Variants in CSMD1 observed in about 807,000 individuals in gnomAD.
CSMD1 encodes the protein CUB and sushi domain-containing protein 1.
CSMD1 carries 213 observed loss-of-function variants against 417.5 expected under a neutral mutation model. The ratio of observed to expected loss-of-function variants is 0.51; its 90% confidence interval spans 0.46 to 0.57. The LOEUF (loss-of-function observed/expected upper bound fraction) is 0.57. CSMD1 is among the 20% of genes least tolerant of loss of function. CSMD1 has a pLI of 0.00. For missense variants in CSMD1, 6,923 were observed against 4,529.7 expected, an observed-to-expected ratio of 1.53 and a Z score of -15.17; for synonymous variants, 2,862 against 1,736.8, an observed-to-expected ratio of 1.65 and a Z score of -16.11.
At chr8:3,811,489 G>A (rs1563104060) in intron 5 of CSMD1, among the ~76,000 whole-genome samples, 1 of 152,104 alleles carries the variant, frequency 6.6e-6, no homozygotes, top group Non-Finnish European at 1.5e-5. Flanking sequence ...CCAACCGAGT[G>A]CCTGTTGAGA....
chr8:4,036,776 G>C (rs1797639812), intron 3 of CSMD1, among the ~76,000 whole-genome samples: 2 of 152,226 alleles, frequency 1.3e-5, no homozygotes, highest in African/African-American at 2.4e-5. Context: ...ACTGTTGGCA[G>C]CACCACTATT....
intron 3 of CSMD1, among the ~76,000 whole-genome samples, chr8:4,406,552 T>G (rs1246574615): frequency 6.6e-6 from 1 of 152,086 alleles, no homozygotes; most frequent in Admixed American, 6.6e-5. Context: ...GAGCACAGAG[T>G]CCTGCCTTCT....
At chr8:4,082,926 C>T (rs1800218375) in intron 3 of CSMD1, among the ~76,000 whole-genome samples, 1 of 151,844 alleles carries the variant, frequency 6.6e-6, no homozygotes, top group South Asian at 2.1e-4. Context: ...CATCCATGTC[C>T]TTACAAAGGA....
At chr8:4,866,173 G>A (rs973937054) in intron 1 of CSMD1, among the ~76,000 whole-genome samples, 3 of 151,804 alleles carry the variant, frequency 2.0e-5, no homozygotes, top group African/African-American at 7.3e-5. Flanking sequence ...CTGTTTAAGA[G>A]GTGGATGACC....
chr8:3,771,076 G>A (rs1450241429), intron 5 of CSMD1, among the ~76,000 whole-genome samples: 1 of 151,818 alleles, frequency 6.6e-6, no homozygotes, highest in South Asian at 2.1e-4. Context: ...GTGGACAATA[G>A]TCTTGGGGGT....
intron 5 of CSMD1, among the ~76,000 whole-genome samples, chr8:3,919,678 T>C (rs1423938103): frequency 6.6e-6 from 1 of 152,158 alleles, no homozygotes; most frequent in Non-Finnish European, 1.5e-5. Context: ...AAAATGCCAT[T>C]GGAATTTTGA....
intron 2 of CSMD1, among the ~76,000 whole-genome samples, chr8:4,450,184 T>C (rs776455350): frequency 6.6e-6 from 1 of 152,176 alleles, no homozygotes; most frequent in East Asian, 1.9e-4. Context: ...AAAACCGAAC[T>C]GGGCAACAAT....
At chr8:4,006,371 C>G (rs760963254) in intron 4 of CSMD1, among the ~76,000 whole-genome samples, 12 of 152,176 alleles carry the variant, frequency 7.9e-5, no homozygotes, top group Non-Finnish European at 1.6e-4. Flanking sequence ...TGGTGAAACC[C>G]TGTCTCTACT....
intron 11 of CSMD1, among the ~76,000 whole-genome samples, chr8:3,475,499 G>T (rs7004179): frequency 1.3e-5 from 2 of 151,962 alleles, no homozygotes; most frequent in Non-Finnish European, 2.9e-5. Context: ...AACATTTGGA[G>T]TTCTGTGATG....
At chr8:4,975,150 C>T (rs1378168125) in intron 1 of CSMD1, among the ~76,000 whole-genome samples, 1 of 152,078 alleles carries the variant, frequency 6.6e-6, no homozygotes, top group Non-Finnish European at 1.5e-5. Flanking sequence ...GTGGTTCCAG[C>T]AAATTAAGAG....
intron 5 of CSMD1, among the ~76,000 whole-genome samples, chr8:3,981,123 G>A (rs974059607): frequency 2.6e-5 from 4 of 152,198 alleles, no homozygotes; most frequent in Non-Finnish European, 4.4e-5. Context: ...AATGTCAGGA[G>A]TCCTCCAGAT....
At chr8:4,768,011 T>C (rs1385643826) in intron 1 of CSMD1, among the ~76,000 whole-genome samples, 1 of 151,446 alleles carries the variant, frequency 6.6e-6, no homozygotes, top group Non-Finnish European at 1.5e-5. Context: ...CAATTCACAT[T>C]TACGTTCAAC....
At chr8:4,793,250 C>G (rs533161474) in intron 1 of CSMD1, among the ~76,000 whole-genome samples, 120 of 152,220 alleles carry the variant, frequency 7.9e-4, no homozygotes, top group African/African-American at 2.8e-3. Context: ...TTCATATTTA[C>G]AAGACCTAAT....
chr8:3,506,351 T>A (rs908953968), intron 10 of CSMD1, among the ~76,000 whole-genome samples: 1 of 152,068 alleles, frequency 6.6e-6, no homozygotes, highest in Non-Finnish European at 1.5e-5. Flanking sequence ...CTTGCCGGAG[T>A]TTGCATGCTA....
intron 1 of CSMD1, among the ~76,000 whole-genome samples, chr8:4,819,793 G>C (rs570918033): frequency 1.3e-5 from 2 of 152,212 alleles, no homozygotes; most frequent in South Asian, 4.1e-4. Context: ...TCAATGCTAA[G>C]GGTGGGGCTG....
intron 2 of CSMD1, among the ~76,000 whole-genome samples, chr8:4,546,444 C>T (rs369245468): frequency 6.6e-6 from 1 of 152,166 alleles, no homozygotes; most frequent in Non-Finnish European, 1.5e-5. Flanking sequence ...AAGAACCACC[C>T]TTACCATTCC....
At chr8:3,040,406 AT>A (rs1811006317) in intron 50 of CSMD1, among the ~76,000 whole-genome samples, 2 of 146,898 alleles carry the variant, frequency 1.4e-5, no homozygotes, top group African/African-American at 5.0e-5. Context: ...ATATATATAT[AT>A]ATATATAACA....
intron 3 of CSMD1, among the ~76,000 whole-genome samples, chr8:4,286,063 T>C (rs1344592927): frequency 6.6e-6 from 1 of 152,108 alleles, no homozygotes; most frequent in African/African-American, 2.4e-5. Context: ...CATCCCTAAG[T>C]CCGAAATACA....
chr8:3,537,683 C>G (rs138299082), intron 10 of CSMD1, among the ~76,000 whole-genome samples: 22 of 152,142 alleles, frequency 1.4e-4, no homozygotes, highest in Non-Finnish European at 3.1e-4. Flanking sequence ...ATTTACAATA[C>G]TTTGTATTTG....
Sources: allele counts gnomAD v4.1 joint callset (sites outside exome capture counted in the v4.1 genomes callset), GRCh38; gene constraint gnomAD v4.1.1; transcripts MANE v1.5; gene names NCBI Gene and HGNC (gene_info 2026-07-23, HGNC 2026-07-21).